TSEN2: variants seen among roughly 807,000 people sequenced by gnomAD.
TSEN2 encodes tRNA splicing endonuclease subunit 2, also known as tRNA-splicing endonuclease subunit Sen2.
TSEN2 carries 54 observed loss-of-function variants against 59.2 expected under a neutral mutation model. The ratio of observed to expected loss-of-function variants is 0.91; its 90% confidence interval spans 0.73 to 1.14. TSEN2 has a LOEUF of 1.14. Among genes scored for constraint, TSEN2 ranks in the 50% most tolerant of loss-of-function variants. TSEN2 has a pLI of 0.00. For synonymous variants in TSEN2, 195 were observed against 198.2 expected (o/e 0.98, Z 0.14); for missense variants, 636 against 576.2 (o/e 1.10, Z -1.06).
At position 12,492,229 on chromosome 3, in the gene TSEN2, G is replaced by A. The variant is rs764766939; in HGVS notation, c.271+12G>A. The A allele has an allele frequency of 2.5e-6, 4 of 1,598,904 alleles. No individual in the cohort carries two copies. In the South Asian group the frequency reaches 4.4e-5, roughly 18 times the overall value. Reference sequence around the variant, plus strand: ...TGCTAAATGGAAAGGTAAAGTTGTTGTATCATTCAGTTCTTTTGACAAATT... The same window carrying A: ...TGCTAAATGGAAAGGTAAAGTTGTTATATCATTCAGTTCTTTTGACAAATT... On this transcript the variant is annotated intron_variant, in intron 3 of 11. Transcript: ENST00000284995.
At chr3:12,500,356 G>A (rs1415233722) in intron 4 of TSEN2, among the ~76,000 whole-genome samples, 2 of 152,116 alleles carry the variant, frequency 1.3e-5, no homozygotes, top group African/African-American at 4.8e-5. Context: ...TGCTCTTCGA[G>A]CCTCAGTCTC....
At chr3:12,492,037 C>T (rs888725844) in intron 2 of TSEN2, 99 bp from the exon 3 acceptor site, 20 of 1,024,276 alleles carry the variant, frequency 2.0e-5, no homozygotes, top group Admixed American at 1.3e-4. Context: ...GTCCTGGAAC[C>T]AGCCCCCTGT....
chr3:12,500,422 C>G (rs571217214), intron 4 of TSEN2, among the ~76,000 whole-genome samples: 1 of 152,168 alleles, frequency 6.6e-6, no homozygotes, highest in African/African-American at 2.4e-5. Flanking sequence ...CAGGTATGGC[C>G]TGGTTCTGGT....
intron 10 of TSEN2, chr3:12,539,107 C>T (rs932678742): frequency 9.4e-6 from 4 of 424,212 alleles, no homozygotes; most frequent in African/African-American, 8.5e-5. Flanking sequence ...TACTGTTGTT[C>T]ACTATCATGA....
chr3:12,524,940 C>T (rs2056961961), intron 8 of TSEN2, among the ~76,000 whole-genome samples: 1 of 151,906 alleles, frequency 6.6e-6, no homozygotes, highest in African/African-American at 2.4e-5. Context: ...GACAGGATTT[C>T]ACCATGTTTG....
chr3:12,515,425 G>A (rs2055963078), intron 6 of TSEN2, among the ~76,000 whole-genome samples: 1 of 152,206 alleles, frequency 6.6e-6, no homozygotes, highest in South Asian at 2.1e-4. Context: ...AGCAGTGAGA[G>A]CCGAAGCAGA....
At chr3:12,482,806 C>A (rs988333325), upstream of TSEN2, among the ~76,000 whole-genome samples, 2 of 152,184 alleles carry the variant, frequency 1.3e-5, no homozygotes, top group African/African-American at 4.8e-5. Flanking sequence ...CCCTCTAATT[C>A]TAAAACCAGT....
At position 12,518,978 on chromosome 3, in the gene TSEN2, GT is replaced by G. The variant is rs2056393931; in HGVS notation, c.961-80del. ...CTTCACTGCTTCAGCTCCACACTTA[GT>G]ATAGATGTTGGTGCCCTGGCTGAAC... On this transcript the variant is annotated intron_variant, in intron 7 of 11. Transcript: ENST00000284995. 5 of 1,383,938 alleles carry G rather than the reference GT, an allele frequency of 3.6e-6. No homozygotes were observed. The South Asian group carries it at 4.6e-5, about 13-fold the overall frequency. The allele number at this position is 1,383,938 out of a possible 1,614,324, so 85.7% of individuals were successfully genotyped here. A position where few individuals can be genotyped will look rare whatever the true frequency, so the allele number is the denominator to read the frequency against.
chr3:12,502,009 A>T (rs1346053308), intron 4 of TSEN2, among the ~76,000 whole-genome samples: 1 of 152,244 alleles, frequency 6.6e-6, no homozygotes, highest in African/African-American at 2.4e-5. Flanking sequence ...TAGAAACTTA[A>T]CAAGAATTTT....
chr3:12,517,506 GC>G (rs1305058484), intron 7 of TSEN2, among the ~76,000 whole-genome samples: 1 of 152,096 alleles, frequency 6.6e-6, no homozygotes, highest in African/African-American at 2.4e-5. Context: ...TGCTGTTGTT[GC>G]CTGCTGCCTT....
intron 2 of TSEN2, 67 bp downstream of exon 2, chr3:12,490,056 C>G (rs2053054350): frequency 7.0e-7 from 1 of 1,426,034 alleles, no homozygotes; most frequent in African/African-American, 1.4e-5. Flanking sequence ...TTTCCTTCTC[C>G]CCATCCCAGC....
chr3:12,518,939 G>T, intron 7 of TSEN2, 120 bp from the exon 8 acceptor site: 1 of 979,134 alleles, frequency 1.0e-6, no homozygotes, highest in East Asian at 2.5e-5. Flanking sequence ...GCTCTGCTGG[G>T]GGAACTGCAT....
At chr3:12,531,403 G>A (rs900573421) in intron 10 of TSEN2, 167 bp from the exon 11 acceptor site, 25 of 608,528 alleles carry the variant, frequency 4.1e-5, no homozygotes, top group Middle Eastern at 2.6e-4. Context: ...TAGTCAGAAC[G>A]TAAATCCCAG....
chr3:12,534,322 G>A (rs528132881), downstream of TSEN2, among the ~76,000 whole-genome samples: 2 of 152,306 alleles, frequency 1.3e-5, no homozygotes, highest in African/African-American at 2.4e-5. Context: ...TGCAGTGTGT[G>A]GTACTTGGCT....
At chr3:12,517,938 C>CA (rs3839097) in intron 7 of TSEN2, among the ~76,000 whole-genome samples, 3,859 of 140,044 alleles carry the variant, frequency 0.028, 66 homozygotes, top group South Asian at 0.069. Context: ...GGAACAACTG[C>CA]AAAAAAAAAA....
chr3:12,492,258 C>A, intron 3 of TSEN2, 41 bp downstream of exon 3: 3 of 1,536,572 alleles, frequency 2.0e-6, no homozygotes, highest in South Asian at 2.2e-5. Context: ...ACAAATTAAT[C>A]ATTTTCCTTT....
intron 8 of TSEN2, among the ~76,000 whole-genome samples, chr3:12,526,651 T>C (rs149435890): frequency 6.6e-6 from 1 of 152,384 alleles, no homozygotes; most frequent in Admixed American, 6.5e-5. Flanking sequence ...AACTTTGTGA[T>C]GCTTACTGTA....
At chr3:12,488,957 C>T (rs2052931110) in intron 1 of TSEN2, among the ~76,000 whole-genome samples, 1 of 152,150 alleles carries the variant, frequency 6.6e-6, no homozygotes, top group Non-Finnish European at 1.5e-5. Context: ...TACTGCTCAC[C>T]CTGTAATACT....
At chr3:12,497,517 T>C (rs1475560124) in intron 4 of TSEN2, among the ~76,000 whole-genome samples, 1 of 152,094 alleles carries the variant, frequency 6.6e-6, no homozygotes. Flanking sequence ...TTCTGGTGTG[T>C]GGGAGGGACC....
Sources: gnomAD v4.1 joint callset for allele counts (sites outside exome capture counted in the v4.1 genomes callset) on GRCh38, gnomAD v4.1.1 for gene constraint, MANE v1.5 for transcripts, NCBI Gene and HGNC (gene_info 2026-07-23, HGNC 2026-07-21) for gene names.